Variants in KYNU observed in about 807,000 individuals in gnomAD.
KYNU encodes L-kynurenine hydrolase.
In KYNU, 54 loss-of-function variants were observed where a neutral mutation model predicts 59.2. The ratio of observed to expected loss-of-function variants is 0.91; its 90% CI spans 0.73 to 1.14. The LOEUF (loss-of-function observed/expected upper bound fraction) is 1.14, where lower values mean the gene tolerates loss of function less well. Among genes scored for constraint, KYNU ranks in the 50% most tolerant of loss-of-function variants. The pLI is 0.00. For missense variants in KYNU, 567 were observed against 554.4 expected, an observed-to-expected ratio of 1.02 and a Z score of -0.23; for synonymous variants, 177 against 192.0, an observed-to-expected ratio of 0.92 and a Z score of 0.65.
intron 10 of KYNU, chr2:142,989,565 C>T: frequency 1.2e-6 from 1 of 851,552 alleles, no homozygotes; most frequent in Non-Finnish European, 1.4e-6. Flanking sequence ...CACTCATTCA[C>T]TCTTTAACAA....
chr2:142,986,502 A>G (rs1685203171), intron 10 of KYNU, among the ~76,000 whole-genome samples: 1 of 151,886 alleles, frequency 6.6e-6, no homozygotes, highest in Non-Finnish European at 1.5e-5. Flanking sequence ...AGACTTTATA[A>G]TCCATGAAAC....
Position 142,985,998 on chromosome 2 carries a change from G to A in KYNU, c.879G>A (p.Lys293=), listed in dbSNP as rs768667088. The A allele has an allele frequency of 1.5e-5, 24 of 1,610,388 alleles. No individual in the cohort carries two copies. The highest frequency in any genetic ancestry group is 4.4e-5 in the South Asian group (4 of 90,960). ...GGIAGAFIHE[K]HAHTIKPALV... ...TTGCTGGTGCCTTCATTCATGAAAAGCATGCCCATACGATTAAACCTGCGT... is the reference window on the plus strand; with the variant it reads ...TTGCTGGTGCCTTCATTCATGAAAAACATGCCCATACGATTAAACCTGCGT... Residue 293 remains lysine (K), a synonymous_variant, in exon 10 of 14, where the codon AAG becomes AAA. Transcript: ENST00000264170.
chr2:142,918,296 C>A (rs982791687), intron 2 of KYNU, among the ~76,000 whole-genome samples: 1 of 152,100 alleles, frequency 6.6e-6, no homozygotes, highest in African/African-American at 2.4e-5. Flanking sequence ...TAATTAAAAA[C>A]ATTTGTTTTT....
At chr2:143,016,978 A>G (rs550380878) in intron 10 of KYNU, among the ~76,000 whole-genome samples, 2 of 152,052 alleles carry the variant, frequency 1.3e-5, no homozygotes, top group Admixed American at 6.6e-5. Flanking sequence ...TTTAGTTCCT[A>G]CTTATCAGTG....
At chr2:143,025,313 T>C (rs1686519668) in intron 10 of KYNU, among the ~76,000 whole-genome samples, 1 of 152,172 alleles carries the variant, frequency 6.6e-6, no homozygotes, top group African/African-American at 2.4e-5. Flanking sequence ...GTGTTGGTGC[T>C]ATACCCAGTT....
At chr2:142,923,982 C>T (rs954970171) in intron 3 of KYNU, among the ~76,000 whole-genome samples, 1 of 152,198 alleles carries the variant, frequency 6.6e-6, no homozygotes, top group Admixed American at 6.5e-5. Context: ...CCCCTCTAGT[C>T]TCATTTAATT....
chr2:142,921,582 C>G (rs1015605214), intron 3 of KYNU, among the ~76,000 whole-genome samples: 1 of 151,958 alleles, frequency 6.6e-6, no homozygotes, highest in African/African-American at 2.4e-5. Flanking sequence ...CTGAGGCAAG[C>G]GGACCACAAA....
chr2:142,960,579 T>C, intron 7 of KYNU, 45 bp from the exon 8 acceptor site: 1 of 1,565,088 alleles, frequency 6.4e-7, no homozygotes. Context: ...AAATTACAAA[T>C]TTATTATTAT....
intron 1 of KYNU, among the ~76,000 whole-genome samples, chr2:142,882,332 T>G (rs1035214326): frequency 4.2e-5 from 6 of 144,300 alleles, no homozygotes; most frequent in East Asian, 1.9e-4. Context: ...CTTTTCAACT[T>G]TTTTTTTTTA....
chr2:142,947,055 A>T (rs1683812108), intron 4 of KYNU: 1 of 1,550,264 alleles, frequency 6.5e-7, no homozygotes, highest in Admixed American at 2.0e-5. Context: ...ACCCTTCCCC[A>T]AGCAACTCCT....
chr2:142,890,922 C>T (rs1681690903), intron 2 of KYNU, among the ~76,000 whole-genome samples: 1 of 152,104 alleles, frequency 6.6e-6, no homozygotes, highest in South Asian at 2.1e-4. Flanking sequence ...TTAAGTTGCT[C>T]ATAATGTATA....
In KYNU at chr2:142,999,910, A is replaced by T. The variant is rs541851429; in HGVS notation, c.902+13889A>T. Among the ~76,000 whole-genome samples the T allele has an allele frequency of 2.6e-3, 393 of 152,290 alleles. 5 individuals carry two copies. The highest frequency in any genetic ancestry group is 2.5e-3 in the Non-Finnish European group (172 of 68,006). ...ATGATTAAATTTCTTTATCAAATGA[A>T]CATGTAGAGCATTCATCTTACCAAG... On this transcript the variant is annotated intron_variant, in intron 10 of 13. Coordinates refer to ENST00000264170, the MANE Select transcript of KYNU (RefSeq NM_003937.3).
rs938006412 is a variant in KYNU at position 143,050,765 on chromosome 2, G to A, written c.*8593G>A. ...TCAATAACTTTCTACTTATTCTTGA[G>A]TTCAAAACTATATGGGTTCACATTT... On this transcript the variant is annotated 3_prime_UTR_variant, in exon 14 of 14. Transcript: ENST00000264170. 1.3e-5 allele frequency: 2 copies of A among 152,084 alleles called. No homozygotes were observed. The highest frequency in any genetic ancestry group is 4.8e-5 in the African/African-American group (2 of 41,436). The allele number at this position is 152,084 out of a possible 1,614,324, so 9.4% of individuals were successfully genotyped here. A position where few individuals can be genotyped will look rare whatever the true frequency, so the allele number is the denominator to read the frequency against.
chr2:143,025,237 A>C, intron 10 of KYNU, among the ~76,000 whole-genome samples: 1 of 152,074 alleles, frequency 6.6e-6, no homozygotes, highest in East Asian at 1.9e-4. Context: ...ACTTTCAGGC[A>C]ATCTTTTCCT....
chr2:143,031,594 T>C (rs1011011077), intron 11 of KYNU, among the ~76,000 whole-genome samples: 2 of 152,064 alleles, frequency 1.3e-5, no homozygotes, highest in Admixed American at 1.3e-4. Flanking sequence ...AGTGGTGGTA[T>C]GCATCTGTAG....
At position 143,033,242 on chromosome 2, in the gene KYNU, A is replaced by T. The variant is rs1346542753; in HGVS notation, c.962A>T (p.Gln321Leu). 1.2e-6 allele frequency: 2 copies of T among 1,608,348 alleles called. No individual in the cohort carries two copies. Among genetic ancestry groups the T allele is most frequent in the African/African-American group, 2.7e-5 (2 of 74,750 alleles). ...STRFKMDNKL[Q>L]LIPGVCGFRI... ...CATGATATTAATTTCTCAGAACTGC[A>T]GTTAATCCCTGGGGTCTGTGGATTC... The change falls in exon 12 of 14, where the codon CAG becomes CTG. Residue 321 changes from glutamine to leucine, a missense_variant. By Grantham distance (113) the Gln-to-Leu change is moderately radical. Coordinates refer to ENST00000264170, the MANE Select transcript of KYNU (RefSeq NM_003937.3).
At position 143,018,989 on chromosome 2, in the gene KYNU, C is replaced by A. The variant is rs145206490; in HGVS notation, c.903-10638C>A. Among the ~76,000 whole-genome samples, 188 of 152,042 alleles carry A rather than the reference C, an allele frequency of 1.2e-3. 2 individuals carry two copies. Among genetic ancestry groups the A allele is most frequent in the African/African-American group, 4.3e-3 (178 of 41,464 alleles). On this transcript the variant is annotated intron_variant, in intron 10 of 13. Coordinates refer to ENST00000264170, the MANE Select transcript of KYNU (RefSeq NM_003937.3). ...TGATTTTTTTACATTGATTTTGTGG[C>A]CTGAAACTTTATTGAAATTGTTTAT...
chr2:142,986,516 A>G (rs578024974), intron 10 of KYNU, among the ~76,000 whole-genome samples: 1 of 151,930 alleles, frequency 6.6e-6, no homozygotes, highest in South Asian at 2.1e-4. Context: ...ATGAAACCCG[A>G]AGAAGCTGAA....
At position 142,997,677 on chromosome 2, in the gene KYNU, A is replaced by G. The variant is rs1334471545; in HGVS notation, c.902+11656A>G. The stretch of plus-strand genomic sequence containing the variant: ...TTAAGAAAGATTGTGAACTATTTTT[A>G]TTATATTTTGATTTGGTGCCAAAGG... On this transcript the variant is annotated intron_variant, in intron 10 of 13. Transcript: ENST00000264170. Among the ~76,000 whole-genome samples the G allele has an allele frequency of 2.0e-5, 3 of 152,124 alleles. No individual in the cohort carries two copies. The East Asian group carries it at 5.8e-4, about 29-fold the overall frequency.
Sources: allele counts gnomAD v4.1 joint callset (sites outside exome capture counted in the v4.1 genomes callset), GRCh38; gene constraint gnomAD v4.1.1; transcripts MANE v1.5; gene names NCBI Gene and HGNC (gene_info 2026-07-23, HGNC 2026-07-21).